DSCAML1: variants seen among roughly 807,000 people sequenced by gnomAD.
DSCAML1 encodes the protein cell adhesion molecule DSCAML1.
DSCAML1 carries 38 observed loss-of-function variants against 200.5 expected under a neutral mutation model. That is an observed-to-expected ratio of 0.19 (90% CI 0.15 to 0.25). The LOEUF is 0.25. DSCAML1 is among the 10% of genes least tolerant of loss of function. The pLI is 1.00. For missense variants in DSCAML1, 2,223 were observed against 2,858.8 expected, an observed-to-expected ratio of 0.78 and a Z score of 5.07; for synonymous variants, 1,215 against 1,165.0, an observed-to-expected ratio of 1.04 and a Z score of -0.87.
chr11:117,722,648 A>G (rs370296322), intron 3 of DSCAML1, among the ~76,000 whole-genome samples: 25 of 152,312 alleles, frequency 1.6e-4, no homozygotes, highest in East Asian at 9.6e-4. Flanking sequence ...TCTCATAAAC[A>G]TATACAATTG....
chr11:117,479,697 G>T (rs1645026745), intron 14 of DSCAML1, among the ~76,000 whole-genome samples: 1 of 152,058 alleles, frequency 6.6e-6, no homozygotes, highest in South Asian at 2.1e-4. Flanking sequence ...TGCCCAGGCT[G>T]GAGTGCAATG....
In DSCAML1 at chr11:117,435,575, G is replaced by C. The variant is rs661789; in HGVS notation, c.4876+69C>G. 31 of 1,505,542 alleles carry C rather than the reference G, an allele frequency of 2.1e-5. No individual in the cohort carries two copies. The East Asian group carries it at 4.2e-4, about 20-fold the overall frequency. The allele number at this position is 1,505,542 out of a possible 1,614,324, so 93.3% of individuals were successfully genotyped here. On this transcript the variant is annotated intron_variant, in intron 27 of 32. Transcript: ENST00000651296. ...TCATCCAGATGGTGCTGTGAGCCAG[G>C]GAAGGGGGGGGACAATGTGGCTGAG...
rs2052704888 is a variant in DSCAML1 at position 117,655,001 on chromosome 11, T to TGCCAGATGTCCAGATGTTGTG, written c.511+121769_511+121789dup. Among the ~76,000 whole-genome samples the TGCCAGATGTCCAGATGTTGTG allele has an allele frequency of 2.0e-5, 3 of 152,364 alleles. No individual in the cohort carries two copies. In the South Asian group the frequency reaches 6.2e-4, roughly 32 times the overall value. On this transcript the variant is annotated intron_variant, in intron 3 of 32. Transcript: ENST00000651296. ...GCCCACGCTTGTCTCCCAGCCCTGA[T>TGCCAGATGTCCAGATGTTGTG]GCCAGATGTCCAGATGTTGTGGCAG...
Position 117,561,000 on chromosome 11 carries a change from C to T in DSCAML1, c.512-28478G>A, listed in dbSNP as rs373083264. 1.9e-4 allele frequency among the ~76,000 whole-genome samples: 29 copies of T among 152,282 alleles called. No homozygotes were observed. In the South Asian group the frequency reaches 2.7e-3, roughly 14 times the overall value. ...GGGTTTCAGGGATAGAGATGGAGGG[C>T]GGGTGCTGGGGCCCCTGGGCACAGC... On this transcript the variant is annotated intron_variant, in intron 3 of 32. Coordinates refer to ENST00000651296, the MANE Select transcript of DSCAML1 (RefSeq NM_020693.4).
At chr11:117,565,992 G>A (rs1294489049) in intron 3 of DSCAML1, among the ~76,000 whole-genome samples, 2 of 152,210 alleles carry the variant, frequency 1.3e-5, no homozygotes, top group South Asian at 4.1e-4. Flanking sequence ...TGGGGCCTGA[G>A]GACTGGTAGC....
At chr11:117,502,076 A>G (rs1298775345) in intron 11 of DSCAML1, among the ~76,000 whole-genome samples, 4 of 152,182 alleles carry the variant, frequency 2.6e-5, no homozygotes, top group Non-Finnish European at 5.9e-5. Context: ...TGAACCCCTC[A>G]GAGCACTTTG....
At chr11:117,731,345 A>G (rs767907317) in intron 3 of DSCAML1, among the ~76,000 whole-genome samples, 13 of 152,156 alleles carry the variant, frequency 8.5e-5, no homozygotes, top group Non-Finnish European at 1.9e-4. Context: ...CCACACCCCA[A>G]GGTCCTCAAC....
chr11:117,585,822 C>T (rs1219908158), intron 3 of DSCAML1, among the ~76,000 whole-genome samples: 1 of 152,174 alleles, frequency 6.6e-6, no homozygotes, highest in South Asian at 2.1e-4. Flanking sequence ...GCTGAAATGT[C>T]GTGGAGAACT....
intron 2 of DSCAML1, among the ~76,000 whole-genome samples, chr11:117,777,389 A>G (rs999818637): frequency 6.6e-6 from 1 of 152,224 alleles, no homozygotes; most frequent in Non-Finnish European, 1.5e-5. Context: ...TGCTGGACCC[A>G]GGGTGGCAAT....
rs1410096034 is a variant in DSCAML1 at position 117,739,931 on chromosome 11, C to T, written c.511+36860G>A. The stretch of plus-strand genomic sequence containing the variant: ...CCCCTTTGACATAAAATATCTCCAC[C>T]TCTGCTCAGATCCATCTGCTCAGAC... On this transcript the variant is annotated intron_variant, in intron 3 of 32. Coordinates refer to ENST00000651296, the MANE Select transcript of DSCAML1 (RefSeq NM_020693.4). 4.6e-5 allele frequency among the ~76,000 whole-genome samples: 7 copies of T among 152,234 alleles called. No individual in the cohort carries two copies. In the South Asian group the frequency reaches 8.3e-4, roughly 18 times the overall value.
chr11:117,785,397 C>A (rs912573265), intron 1 of DSCAML1, among the ~76,000 whole-genome samples: 1 of 152,028 alleles, frequency 6.6e-6, no homozygotes, highest in Non-Finnish European at 1.5e-5. Context: ...CAAGGGGGGG[C>A]ACTCCCAGAG....
chr11:117,709,599 A>G (rs2053807438), intron 3 of DSCAML1: 1 of 425,990 alleles, frequency 2.3e-6, no homozygotes, highest in Non-Finnish European at 4.7e-6. Context: ...TTAAATGGCT[A>G]TTTATTTCCC....
chr11:117,777,408 A>G (rs1026873566), intron 2 of DSCAML1, among the ~76,000 whole-genome samples: 1 of 152,216 alleles, frequency 6.6e-6, no homozygotes, highest in African/African-American at 2.4e-5. Context: ...ATTATTTTGG[A>G]CACAGTGACC....
At chr11:117,768,164 A>C (rs1565272693) in intron 3 of DSCAML1, among the ~76,000 whole-genome samples, 1 of 152,186 alleles carries the variant, frequency 6.6e-6, no homozygotes, top group Non-Finnish European at 1.5e-5. Context: ...GACACCCCGC[A>C]GTTTGTGGAG....
chr11:117,451,002 C>T (rs2048271715), intron 19 of DSCAML1, among the ~76,000 whole-genome samples: 1 of 152,136 alleles, frequency 6.6e-6, no homozygotes, highest in African/African-American at 2.4e-5. Flanking sequence ...TCATCTTGAT[C>T]CCTCTGACCT....
chr11:117,594,657 GCTC>G (rs2051325981), intron 3 of DSCAML1, among the ~76,000 whole-genome samples: 1 of 152,196 alleles, frequency 6.6e-6, no homozygotes, highest in South Asian at 2.1e-4. Flanking sequence ...AGCAGCCCCT[GCTC>G]CTCCTCTGGC....
At chr11:117,719,277 A>T (rs1214842579) in intron 3 of DSCAML1, among the ~76,000 whole-genome samples, 1 of 152,184 alleles carries the variant, frequency 6.6e-6, no homozygotes, top group Non-Finnish European at 1.5e-5. Context: ...TCTGCTAAAA[A>T]TCCAAAAAAT....
At chr11:117,439,778 T>C (rs2048005875) in intron 22 of DSCAML1, 41 bp downstream of exon 22, 2 of 1,581,300 alleles carry the variant, frequency 1.3e-6, no homozygotes, top group South Asian at 2.2e-5. Context: ...ACTATATCCC[T>C]CTTTGGGGCC....
chr11:117,433,277 G>C, intron 28 of DSCAML1, 21 bp from the exon 29 acceptor site: 1 of 1,597,916 alleles, frequency 6.3e-7, no homozygotes. Context: ...AAAGACTGGA[G>C]GTGGTGGCTC....
Sources: gnomAD v4.1 joint callset for allele counts (sites outside exome capture counted in the v4.1 genomes callset) on GRCh38, gnomAD v4.1.1 for gene constraint, MANE v1.5 for transcripts, NCBI Gene and HGNC (gene_info 2026-07-23, HGNC 2026-07-21) for gene names.